KCNK2: variants seen among roughly 807,000 people sequenced by gnomAD.
KCNK2 encodes the protein potassium two pore domain channel subfamily K member 2.
A neutral mutation model predicts 40.5 loss-of-function variants in KCNK2; 21 were observed. That is an observed-to-expected ratio of 0.52 (90% CI 0.37 to 0.75). KCNK2 has a LOEUF of 0.75. Ranked by LOEUF, KCNK2 falls within the 30% of genes least tolerant of loss-of-function variation. KCNK2 has a pLI of 0.00. For synonymous variants in KCNK2, 191 were observed against 202.2 expected, an observed-to-expected ratio of 0.94 and a Z score of 0.47; for missense variants, 399 against 531.6, an observed-to-expected ratio of 0.75 and a Z score of 2.45.
intron 6 of KCNK2, among the ~76,000 whole-genome samples, chr1:215,212,793 C>T (rs894454611): frequency 3.3e-5 from 5 of 152,132 alleles, no homozygotes; most frequent in Admixed American, 2.6e-4. Flanking sequence ...CAGGAATGTT[C>T]TTTATTAGAG....
chr1:215,076,238 G>A (rs1248961153), intron 1 of KCNK2, among the ~76,000 whole-genome samples: 3 of 152,122 alleles, frequency 2.0e-5, no homozygotes, highest in African/African-American at 7.2e-5. Flanking sequence ...TTATAGTCTG[G>A]CTTGGAATCA....
chr1:215,196,365 G>A (rs747075034), intron 6 of KCNK2, among the ~76,000 whole-genome samples: 1 of 152,066 alleles, frequency 6.6e-6, no homozygotes, highest in Non-Finnish European at 1.5e-5. Context: ...AGGACTACAG[G>A]CATGAGCCAC....
At chr1:215,081,010 A>G (rs1232938296), upstream of KCNK2, among the ~76,000 whole-genome samples, 1 of 152,192 alleles carries the variant, frequency 6.6e-6, no homozygotes, top group Non-Finnish European at 1.5e-5. Context: ...TTTCCTGGAA[A>G]AGGAGAAATT....
chr1:215,097,379 CTT>C (rs1463979257), intron 2 of KCNK2, among the ~76,000 whole-genome samples: 1 of 151,426 alleles, frequency 6.6e-6, no homozygotes, highest in African/African-American at 2.4e-5. Context: ...GATACCTTCT[CTT>C]CCCCTCTCTT....
At chr1:215,102,053 C>T (rs1461321256) in intron 2 of KCNK2, among the ~76,000 whole-genome samples, 1 of 151,666 alleles carries the variant, frequency 6.6e-6, no homozygotes, top group African/African-American at 2.4e-5. Flanking sequence ...TATTTTGATG[C>T]CTGTATACAA....
chr1:215,187,000 C>T (rs1285588690), intron 5 of KCNK2, among the ~76,000 whole-genome samples: 1 of 152,134 alleles, frequency 6.6e-6, no homozygotes, highest in Non-Finnish European at 1.5e-5. Context: ...GACAGAGTCT[C>T]ACTCTGTAGC....
chr1:215,120,801 C>A (rs755987958), intron 2 of KCNK2, among the ~76,000 whole-genome samples: 3 of 152,130 alleles, frequency 2.0e-5, no homozygotes, highest in African/African-American at 2.4e-5. Flanking sequence ...ATGCTAAAAT[C>A]GAACCATTTT....
At chr1:215,180,433 T>C (rs567515427) in intron 5 of KCNK2, among the ~76,000 whole-genome samples, 1 of 152,250 alleles carries the variant, frequency 6.6e-6, no homozygotes, top group South Asian at 2.1e-4. Flanking sequence ...AGTTTCTACT[T>C]TGTGCTTGCT....
chr1:215,151,958 A>T (rs1662701843), intron 3 of KCNK2, among the ~76,000 whole-genome samples: 1 of 152,006 alleles, frequency 6.6e-6, no homozygotes, highest in Admixed American at 6.6e-5. Context: ...CTAAGTGTTG[A>T]TTGTATTTAC....
chr1:215,015,750 G>A (rs1285799259), intron 1 of KCNK2, among the ~76,000 whole-genome samples: 1 of 152,126 alleles, frequency 6.6e-6, no homozygotes, highest in Non-Finnish European at 1.5e-5. Context: ...GTATTGAAGG[G>A]TTAGCAGAAA....
At chr1:215,146,640 T>C (rs1662429316) in intron 3 of KCNK2, among the ~76,000 whole-genome samples, 1 of 152,218 alleles carries the variant, frequency 6.6e-6, no homozygotes, top group African/African-American at 2.4e-5. Flanking sequence ...CAGAATGGCA[T>C]GTCCCAAACC....
chr1:215,114,789 G>A (rs187888464), intron 2 of KCNK2, among the ~76,000 whole-genome samples: 1 of 152,028 alleles, frequency 6.6e-6, no homozygotes, highest in Non-Finnish European at 1.5e-5. Flanking sequence ...GAGCCTAAAA[G>A]CACAGAAATT....
chr1:215,156,572 A>C (rs1175417935), intron 3 of KCNK2, among the ~76,000 whole-genome samples: 1 of 152,192 alleles, frequency 6.6e-6, no homozygotes, highest in Non-Finnish European at 1.5e-5. Flanking sequence ...TGTGGAACAA[A>C]TATTTCTACT....
rs371715562 is a variant in KCNK2, at chr1:215,084,348, T to C, written c.46+917T>C. ...CTTAGTGCTTTCTGGTTCTGCAGAG[T>C]GTAAACCACTGATGTGAAAAATCAC... On this transcript the variant is annotated intron_variant, in intron 1 of 6. Transcript: ENST00000444842. Among the ~76,000 whole-genome samples, 93 of 152,288 alleles carry C rather than the reference T, an allele frequency of 6.1e-4. 1 individual carries two copies. The South Asian group carries it at 0.019, about 32-fold the overall frequency.
chr1:215,215,982 A>T (rs959986111), intron 6 of KCNK2, among the ~76,000 whole-genome samples: 15 of 152,298 alleles, frequency 9.8e-5, no homozygotes, highest in African/African-American at 3.1e-4. Flanking sequence ...AGCCAAGTTA[A>T]TTAAAATACA....
intron 2 of KCNK2, among the ~76,000 whole-genome samples, chr1:215,095,522 C>T (rs1302660763): frequency 1.3e-5 from 2 of 152,058 alleles, no homozygotes; most frequent in East Asian, 3.9e-4. Flanking sequence ...GACCCCTCTG[C>T]CTGTTTCAGC....
intron 6 of KCNK2, among the ~76,000 whole-genome samples, chr1:215,201,865 TTCTG>T (rs1482885143): frequency 1.3e-5 from 2 of 152,160 alleles, no homozygotes; most frequent in Non-Finnish European, 2.9e-5. Context: ...CTTTTTTCTT[TTCTG>T]TTTCTTCTTC....
rs558706844 is a variant in KCNK2, at chr1:215,196,653, C to T, written c.963+1561C>T. On this transcript the variant is annotated intron_variant, in intron 6 of 6. Transcript: ENST00000444842. Reference sequence around the variant, plus strand: ...AGGACCGCAATGGATTTGCCTTAACCTTAGGCTCATTGTATGTGGTGTGCG... The same window carrying T: ...AGGACCGCAATGGATTTGCCTTAACTTTAGGCTCATTGTATGTGGTGTGCG... 4.6e-5 allele frequency among the ~76,000 whole-genome samples: 7 copies of T among 152,018 alleles called. No homozygotes were observed. In the South Asian group the frequency reaches 1.5e-3, roughly 32 times the overall value.
At chr1:215,046,737 A>T (rs1184207953) in intron 1 of KCNK2, among the ~76,000 whole-genome samples, 2 of 152,102 alleles carry the variant, frequency 1.3e-5, no homozygotes, top group African/African-American at 2.4e-5. Context: ...AGGTAATGGT[A>T]AAAAAATTAC....
Sources: allele counts gnomAD v4.1 joint callset (sites outside exome capture counted in the v4.1 genomes callset), GRCh38; gene constraint gnomAD v4.1.1; transcripts MANE v1.5; gene names NCBI Gene and HGNC (gene_info 2026-07-23, HGNC 2026-07-21).